EHBP1: variants seen among roughly 807,000 people sequenced by gnomAD.
EHBP1 encodes EH domain binding protein 1.
EHBP1 carries 55 observed loss-of-function variants against 144.0 expected under a neutral mutation model. The observed-to-expected ratio is 0.38, with a 90% CI of 0.31 to 0.48. The LOEUF (loss-of-function observed/expected upper bound fraction) is 0.48. Among genes scored for constraint, EHBP1 ranks in the 20% least tolerant of loss-of-function variants. The pLI, the probability that EHBP1 is intolerant of heterozygous loss-of-function variation, is 0.98. For synonymous variants in EHBP1, 469 were observed against 472.7 expected (o/e 0.99, Z 0.10); for missense variants, 1,200 against 1,364.2 (o/e 0.88, Z 1.90).
chr2:62,803,641 A>T (rs1398061938), intron 5 of EHBP1, among the ~76,000 whole-genome samples: 1 of 152,190 alleles, frequency 6.6e-6, no homozygotes, highest in African/African-American at 2.4e-5. Context: ...CTTTCAATTG[A>T]AATAACTGCA....
chr2:62,816,507 G>A (rs192012326), intron 5 of EHBP1, among the ~76,000 whole-genome samples: 2 of 152,278 alleles, frequency 1.3e-5, no homozygotes. Flanking sequence ...AGAACTGTTA[G>A]TCTAAACTCT....
intron 10 of EHBP1, among the ~76,000 whole-genome samples, chr2:62,926,936 C>T (rs1321296250): frequency 2.6e-5 from 4 of 152,006 alleles, no homozygotes; most frequent in African/African-American, 2.4e-5. Context: ...ATAGACTCAA[C>T]CTATTTGTCC....
intron 5 of EHBP1, among the ~76,000 whole-genome samples, chr2:62,805,843 G>A (rs1388038181): frequency 6.6e-6 from 1 of 152,090 alleles, no homozygotes; most frequent in East Asian, 1.9e-4. Context: ...GTTTCTTGTA[G>A]ACAATATAAA....
chr2:62,736,690 T>G (rs943147998), intron 2 of EHBP1, among the ~76,000 whole-genome samples: 2 of 152,232 alleles, frequency 1.3e-5, no homozygotes, highest in Admixed American at 1.3e-4. Flanking sequence ...TTTTGGTTGG[T>G]TCTTTCTTAG....
chr2:62,685,376 G>C (rs1273685412), intron 1 of EHBP1, among the ~76,000 whole-genome samples: 1 of 152,124 alleles, frequency 6.6e-6, no homozygotes, highest in Non-Finnish European at 1.5e-5. Context: ...TTCCTTCTGA[G>C]GGTTATGAGG....
intron 2 of EHBP1, among the ~76,000 whole-genome samples, chr2:62,711,210 G>C (rs997746298): frequency 6.6e-6 from 1 of 152,126 alleles, no homozygotes; most frequent in African/African-American, 2.4e-5. Context: ...ATTTACACTT[G>C]CATATAGTAA....
intron 21 of EHBP1, chr2:63,044,744 T>G: frequency 5.1e-6 from 1 of 196,778 alleles, no homozygotes; most frequent in Non-Finnish European, 1.0e-5. Context: ...TGGGCCAACC[T>G]CTTCTGGGCC....
At chr2:62,681,891 C>A (rs2033544260) in intron 1 of EHBP1, among the ~76,000 whole-genome samples, 1 of 152,084 alleles carries the variant, frequency 6.6e-6, no homozygotes, top group Non-Finnish European at 1.5e-5. Flanking sequence ...TTGGAAAGAG[C>A]CATTACAGAG....
chr2:62,803,714 A>C (rs936865321), intron 5 of EHBP1, among the ~76,000 whole-genome samples: 6 of 152,208 alleles, frequency 3.9e-5, no homozygotes, highest in African/African-American at 1.4e-4. Context: ...TATCTTGCAG[A>C]TATTTTCACC....
At chr2:62,695,248 C>A (rs1403148601) in intron 1 of EHBP1, among the ~76,000 whole-genome samples, 1 of 152,120 alleles carries the variant, frequency 6.6e-6, no homozygotes, top group Non-Finnish European at 1.5e-5. Flanking sequence ...GTGGTCCCAA[C>A]TACTCGGGAG....
chr2:62,811,448 T>C (rs1438497889), intron 5 of EHBP1, among the ~76,000 whole-genome samples: 1 of 152,244 alleles, frequency 6.6e-6, no homozygotes, highest in Non-Finnish European at 1.5e-5. Context: ...GTTTAACTTA[T>C]AGATTGTCTT....
At chr2:62,792,941 CTT>C (rs2043262685) in intron 5 of EHBP1, among the ~76,000 whole-genome samples, 1 of 151,490 alleles carries the variant, frequency 6.6e-6, no homozygotes, top group African/African-American at 2.4e-5. Context: ...TTTATTAGCA[CTT>C]AGTGTATCTT....
chr2:62,992,909 G>T (rs1477656815), intron 16 of EHBP1, among the ~76,000 whole-genome samples: 1 of 152,160 alleles, frequency 6.6e-6, no homozygotes, highest in East Asian at 1.9e-4. Flanking sequence ...TGAAATATTT[G>T]TTTGGTACAC....
At chr2:62,938,740 A>T (rs1001912185) in intron 10 of EHBP1, among the ~76,000 whole-genome samples, 19 of 152,088 alleles carry the variant, frequency 1.2e-4, no homozygotes, top group African/African-American at 4.3e-4. Context: ...CATTACAAGT[A>T]CCATATTTTC....
chr2:62,942,617 C>A, intron 10 of EHBP1, 101 bp from the exon 11 acceptor site: 1 of 1,013,194 alleles, frequency 9.9e-7, no homozygotes, highest in Non-Finnish European at 1.4e-6. Flanking sequence ...AGGATCTAAA[C>A]TGACATCAAA....
At chr2:62,680,557 C>T (rs941902419) in intron 1 of EHBP1, among the ~76,000 whole-genome samples, 3 of 152,112 alleles carry the variant, frequency 2.0e-5, no homozygotes, top group African/African-American at 7.2e-5. Context: ...TGTTGCATTG[C>T]AGTGTTTGCT....
intron 10 of EHBP1, among the ~76,000 whole-genome samples, chr2:62,917,825 G>A (rs1558910984): frequency 6.6e-6 from 1 of 152,034 alleles, no homozygotes; most frequent in Non-Finnish European, 1.5e-5. Flanking sequence ...ACCTACAGAG[G>A]AATGTCTCCC....
intron 2 of EHBP1, among the ~76,000 whole-genome samples, chr2:62,732,570 T>C (rs964243445): frequency 6.6e-6 from 1 of 152,148 alleles, no homozygotes; most frequent in African/African-American, 2.4e-5. Flanking sequence ...TGTAACACCT[T>C]CCCTTGCTCT....
intron 5 of EHBP1, among the ~76,000 whole-genome samples, chr2:62,781,756 C>T (rs1010978679): frequency 6.6e-6 from 1 of 152,010 alleles, no homozygotes; most frequent in Admixed American, 6.5e-5. Flanking sequence ...AATAACTTAA[C>T]CATATGTTAA....
Sources: gnomAD v4.1 joint callset for allele counts (sites outside exome capture counted in the v4.1 genomes callset) on GRCh38, gnomAD v4.1.1 for gene constraint, MANE v1.5 for transcripts, NCBI Gene and HGNC (gene_info 2026-07-23, HGNC 2026-07-21) for gene names.